Variants in KBTBD12 observed in about 807,000 individuals in gnomAD.
KBTBD12 encodes kelch repeat and BTB domain-containing protein 12.
Under a neutral mutation model 58.7 loss-of-function variants are expected in KBTBD12, and 53 were observed. The observed-to-expected ratio is 0.90, with a 90% CI of 0.72 to 1.14. The LOEUF is 1.14. KBTBD12 is among the 50% of genes most tolerant of loss of function. The pLI, the probability that KBTBD12 is intolerant of heterozygous loss-of-function variation, is 0.00. For synonymous variants in KBTBD12, 236 were observed against 259.8 expected, an observed-to-expected ratio of 0.91 and a Z score of 0.88; for missense variants, 704 against 751.3, an observed-to-expected ratio of 0.94 and a Z score of 0.74.
intron 1 of KBTBD12, among the ~76,000 whole-genome samples, chr3:127,917,302 C>G (rs951651564): frequency 2.6e-5 from 4 of 152,142 alleles, no homozygotes; most frequent in Non-Finnish European, 5.9e-5. Flanking sequence ...TTCAGAAGAA[C>G]GCTTAAGTTT....
intron 4 of KBTBD12, among the ~76,000 whole-genome samples, chr3:127,957,659 A>C (rs1940345376): frequency 6.6e-6 from 1 of 152,174 alleles, no homozygotes; most frequent in Non-Finnish European, 1.5e-5. Context: ...CACCAAAAAA[A>C]AAAGTATAAG....
Position 127,965,122 on chromosome 3 carries a change from G to T in KBTBD12, c.1690+1736G>T, listed in dbSNP as rs371781001. Among the ~76,000 whole-genome samples, 7 of 152,322 alleles carry T rather than the reference G, an allele frequency of 4.6e-5. No homozygotes were observed. The East Asian group carries it at 1.3e-3, about 29-fold the overall frequency. ...AGAAAAGAAGGACAGAGAATCTGAG[G>T]GTTAGCCTCCAGAGGGATAGGTGGT... On this transcript the variant is annotated intron_variant, in intron 5 of 5. Transcript: ENST00000405109.
intron 4 of KBTBD12, among the ~76,000 whole-genome samples, chr3:127,931,428 C>T (rs1309875067): frequency 1.2e-4 from 18 of 151,978 alleles, no homozygotes; most frequent in Admixed American, 1.2e-3. Flanking sequence ...TATACTATGT[C>T]ACAGGCCCAG....
chr3:127,968,486 T>A lies in KBTBD12; in HGVS notation c.1690+5100T>A, dbSNP rs576878796. Among the ~76,000 whole-genome samples, 3 of 152,320 alleles carry A rather than the reference T, an allele frequency of 2.0e-5. No individual in the cohort carries two copies. In the East Asian group the frequency reaches 5.8e-4, roughly 29 times the overall value. On this transcript the variant is annotated intron_variant, in intron 5 of 5. Transcript: ENST00000405109. ...GAAAACTATAGGTTAGTAGCCTTTA[T>A]GAATATAGATGCAAAAATCTAAACA...
intron 5 of KBTBD12, among the ~76,000 whole-genome samples, chr3:127,974,956 G>A (rs965466835): frequency 6.6e-6 from 1 of 152,248 alleles, no homozygotes; most frequent in African/African-American, 2.4e-5. Context: ...CTGGGTGACA[G>A]AGCGAGACTC....
chr3:127,957,461 C>A (rs1940341736), intron 4 of KBTBD12, among the ~76,000 whole-genome samples: 1 of 152,064 alleles, frequency 6.6e-6, no homozygotes, highest in African/African-American at 2.4e-5. Context: ...ATTAGGCAGG[C>A]CAATCTGGGG....
Position 127,984,105 on chromosome 3 carries a change from G to A in KBTBD12, c.1699G>A (p.Glu567Lys). 6.2e-7 allele frequency: 1 copy of A among 1,613,028 alleles called. No individual in the cohort carries two copies. The highest frequency in any genetic ancestry group is 1.1e-5 in the South Asian group (1 of 90,854). ...ACTTTGCTGTTTTTCAGATCGCCAT[G>A]AGGTTATCTCCAAAGAAATATTGGA... ...CGGFHGADRH[E>K]VISKEILELD... The change falls in exon 6 of 6, where the codon GAG becomes AAG. Residue 567 changes from glutamate to lysine, a missense_variant. Transcript: ENST00000405109.
Position 127,963,274 on chromosome 3 carries a change from T to C in KBTBD12, c.1578T>C (p.Phe526=), listed in dbSNP as rs879456845. ...AGATCTACAACCCAGATGGGGACTT[T>C]TGGCGAGAGGGCCCTCCCATGCCAA... The part of the protein sequence containing the change: ...VVEIYNPDGD[F]WREGPPMPSP... Residue 526 remains phenylalanine (F), a synonymous_variant, in exon 5 of 6, where the codon TTT becomes TTC. Coordinates refer to ENST00000405109, the MANE Select transcript of KBTBD12 (RefSeq NM_207335.4). 5 of 1,612,292 alleles carry C rather than the reference T, an allele frequency of 3.1e-6. No individual in the cohort carries two copies. The highest frequency in any genetic ancestry group is 4.2e-6 in the Non-Finnish European group (5 of 1,179,290).
chr3:127,983,991 G>A (rs1940921971), intron 5 of KBTBD12, 106 bp from the exon 6 acceptor site: 1 of 824,276 alleles, frequency 1.2e-6, no homozygotes, highest in East Asian at 2.4e-5. Flanking sequence ...AACAGCAAGT[G>A]GACTAAGACA....
intron 4 of KBTBD12, among the ~76,000 whole-genome samples, chr3:127,933,604 T>C (rs1227483531): frequency 6.6e-6 from 1 of 152,070 alleles, no homozygotes; most frequent in Non-Finnish European, 1.5e-5. Context: ...CCTAGATGAC[T>C]AGTAGGTTGA....
Position 127,963,900 on chromosome 3 carries a change from ACT to A in KBTBD12, c.1690+519_1690+520del, listed in dbSNP as rs565904704. 1.1e-3 allele frequency among the ~76,000 whole-genome samples: 171 copies of A among 152,128 alleles called. 3 individuals carry two copies. The highest frequency in any genetic ancestry group is 3.9e-3 in the African/African-American group (162 of 41,500). ...GTTTTATCTGATCAAGACTCAGAAA[ACT>A]CTCTTATTCCTACCCCATGACTACC... On this transcript the variant is annotated intron_variant, in intron 5 of 5. Coordinates refer to ENST00000405109, the MANE Select transcript of KBTBD12 (RefSeq NM_207335.4).
Position 127,985,030 on chromosome 3 carries a change from C to T in KBTBD12, c.*752C>T, listed in dbSNP as rs1392264988. On this transcript the variant is annotated 3_prime_UTR_variant, in exon 6 of 6. Coordinates refer to ENST00000405109, the MANE Select transcript of KBTBD12 (RefSeq NM_207335.4). Reference sequence around the variant, plus strand: ...AGACCACAGTGGCCAAGAATCCTGCCCTGGGCTGACTCTGTCCGGGACAGG... The same window carrying T: ...AGACCACAGTGGCCAAGAATCCTGCTCTGGGCTGACTCTGTCCGGGACAGG... 2 of 152,376 alleles carry T rather than the reference C, an allele frequency of 1.3e-5. No homozygotes were observed. The highest frequency in any genetic ancestry group is 2.9e-5 in the Non-Finnish European group (2 of 68,170). The allele number at this position is 152,376 out of a possible 1,614,324, so 9.4% of individuals were successfully genotyped here.
chr3:127,958,056 A>G (rs1432816789), intron 4 of KBTBD12, among the ~76,000 whole-genome samples: 1 of 152,200 alleles, frequency 6.6e-6, no homozygotes, highest in African/African-American at 2.4e-5. Context: ...GCCTAGGCCT[A>G]GAGACAAACA....
intron 5 of KBTBD12, among the ~76,000 whole-genome samples, chr3:127,966,551 G>T (rs1230525832): frequency 6.6e-6 from 1 of 152,206 alleles, no homozygotes; most frequent in Non-Finnish European, 1.5e-5. Flanking sequence ...AATTTGGAAA[G>T]TGTAGTAGAG....
At chr3:127,957,199 T>G (rs748613488) in intron 4 of KBTBD12, among the ~76,000 whole-genome samples, 2 of 152,236 alleles carry the variant, frequency 1.3e-5, no homozygotes, top group Non-Finnish European at 2.9e-5. Context: ...AAACTATCAT[T>G]TTCTGTAAAT....
intron 5 of KBTBD12, chr3:127,963,588 T>C (rs1576390674): frequency 1.9e-6 from 1 of 539,972 alleles, no homozygotes; most frequent in East Asian, 3.1e-5. Context: ...TAGGCTGTCG[T>C]AAGAATTAAA....
chr3:127,947,689 G>C (rs928441820), intron 4 of KBTBD12, among the ~76,000 whole-genome samples: 3 of 152,186 alleles, frequency 2.0e-5, no homozygotes, highest in Non-Finnish European at 4.4e-5. Context: ...TTGGCCACAT[G>C]TTTGAGGTTC....
chr3:127,963,499 A>G, intron 5 of KBTBD12, 113 bp downstream of exon 5: 3 of 1,056,204 alleles, frequency 2.8e-6, no homozygotes, highest in East Asian at 2.7e-5. Flanking sequence ...CTGCAAAAGC[A>G]TGGCTTTTAG....
Position 127,923,106 on chromosome 3 carries a change from G to A in KBTBD12, c.45G>A (p.Leu15=), listed in dbSNP as rs374061973. ...GAAAAGAAAAATACCAACATAGCTTGAATTTACTGAATAAAATTCAGAACA... is the reference window on the plus strand; with the variant it reads ...GAAAAGAAAAATACCAACATAGCTTAAATTTACTGAATAAAATTCAGAACA... ...IEGKEKYQHS[L]NLLNKIQNMK... Residue 15 remains leucine, a synonymous_variant, in exon 2 of 6, where the codon TTG becomes TTA. Coordinates refer to ENST00000405109, the MANE Select transcript of KBTBD12 (RefSeq NM_207335.4). 7 of 1,611,612 alleles carry A rather than the reference G, an allele frequency of 4.3e-6. No homozygotes were observed. Among genetic ancestry groups the A allele is most frequent in the Middle Eastern group, 3.3e-4 (2 of 6,042 alleles).
Sources: allele counts gnomAD v4.1 joint callset (sites outside exome capture counted in the v4.1 genomes callset), GRCh38; gene constraint gnomAD v4.1.1; transcripts MANE v1.5; gene names NCBI Gene and HGNC (gene_info 2026-07-23, HGNC 2026-07-21).